Variants in MT1F observed in about 807,000 individuals in gnomAD.
The protein encoded by MT1F is metallothionein 1F.
Under a neutral mutation model 5.4 loss-of-function variants are expected in MT1F, and 6 were observed. The observed-to-expected ratio is 1.11, with a 90% CI of 0.61 to 2.19. The LOEUF (loss-of-function observed/expected upper bound fraction) is 2.19. MT1F is among the 30% of genes most tolerant of loss of function. MT1F has a pLI of 0.00. For missense variants in MT1F, 82 were observed against 77.0 expected, an observed-to-expected ratio of 1.07 and a Z score of -0.24; for synonymous variants, 28 against 28.3, an observed-to-expected ratio of 0.99 and a Z score of 0.04.
chr16:56,658,298 T>C (rs1960646133), intron 1 of MT1F: 2 of 622,188 alleles, frequency 3.2e-6, no homozygotes, highest in East Asian at 2.8e-5. Context: ...CTCAAGGCTG[T>C]CCTGCTCCAC....
In MT1F at chr16:56,659,184, C is replaced by T. The variant is rs752794156; in HGVS notation, c.*20C>T. Reference sequence around the variant, plus strand: ...GACTGATGCCAGGACAACCTTTCTCCCAGATGTAAACAGAGAGACATGTAC... The same window carrying T: ...GACTGATGCCAGGACAACCTTTCTCTCAGATGTAAACAGAGAGACATGTAC... On this transcript the variant is annotated 3_prime_UTR_variant, in exon 3 of 3. Coordinates refer to ENST00000334350, the MANE Select transcript of MT1F (RefSeq NM_005949.4). 4 of 1,613,276 alleles carry T rather than the reference C, an allele frequency of 2.5e-6. No homozygotes were observed. In the East Asian group the frequency reaches 6.7e-5, roughly 27 times the overall value.
Position 56,659,159 on chromosome 16 carries a change from G to T in MT1F, c.181G>T (p.Asp61Tyr), listed in dbSNP as rs1160232836. The change falls in exon 3 of 3, where the codon GAC (aspartate) becomes TAC (tyrosine). Residue 61 changes from aspartate (D) to tyrosine (Y), a missense_variant. Transcript: ENST00000334350. ...KGASEKCSCC[D>Y] ...GGCGTCAGAGAAGTGCAGCTGCTGC[G>T]ACTGATGCCAGGACAACCTTTCTCC... 4 of 1,614,068 alleles carry T rather than the reference G, an allele frequency of 2.5e-6. No homozygotes were observed. In the African/African-American group the frequency reaches 5.3e-5, roughly 22 times the overall value.
At chr16:56,658,555 G>T in intron 1 of MT1F, 120 bp from the exon 2 acceptor site, 1 of 1,010,644 alleles carries the variant, frequency 9.9e-7, no homozygotes, top group Non-Finnish European at 1.5e-6. Flanking sequence ...CTCTGAGTGG[G>T]AAAGGAGCTC....
At chr16:56,658,399 G>A (rs1188741402) in intron 1 of MT1F, 1 of 589,646 alleles carries the variant, frequency 1.7e-6, no homozygotes, top group Non-Finnish European at 3.0e-6. Context: ...AGGGGACATT[G>A]CCTCTTCGGG....
At chr16:56,658,644 G>C in intron 1 of MT1F, 31 bp from the exon 2 acceptor site, 1 of 1,613,010 alleles carries the variant, frequency 6.2e-7, no homozygotes, top group Non-Finnish European at 8.5e-7. Flanking sequence ...GTCACTCGCC[G>C]CTCACTGGCT....
intron 1 of MT1F, 71 bp from the exon 2 acceptor site, chr16:56,658,604 C>G (rs1272560516): frequency 1.3e-6 from 2 of 1,501,932 alleles, no homozygotes; most frequent in Non-Finnish European, 1.9e-6. Flanking sequence ...GCAATGGAGA[C>G]TCATTAACTC....
At position 56,658,746 on chromosome 16, in the gene MT1F, T is replaced by C. The variant is rs1177914367; in HGVS notation, c.94+6T>C. 3.1e-6 allele frequency: 5 copies of C among 1,613,872 alleles called. No homozygotes were observed. The highest frequency in any genetic ancestry group is 3.3e-5 in the Admixed American group (2 of 59,998). On this transcript the variant is annotated splice_donor_region_variant and intron_variant, in intron 2 of 2. Coordinates refer to ENST00000334350, the MANE Select transcript of MT1F (RefSeq NM_005949.4). Reference sequence around the variant, plus strand: ...ATGCACCTCCTGCAAGAAGAGTGAGTGTGAGGCCATCTCCATGGTCTGGGG... The same window carrying C: ...ATGCACCTCCTGCAAGAAGAGTGAGCGTGAGGCCATCTCCATGGTCTGGGG...
In MT1F at chr16:56,658,715, G is replaced by A; in HGVS notation, c.69G>A (p.Glu23=). 6.2e-7 allele frequency: 1 copy of A among 1,614,204 alleles called. No individual in the cohort carries two copies. The highest frequency in any genetic ancestry group is 8.5e-7 in the Non-Finnish European group (1 of 1,180,022). The change falls in exon 2 of 3, where the codon GAG becomes GAA. Residue 23 remains glutamate, a synonymous_variant. Transcript: ENST00000334350. ...CTCAGSCKCK[E]CKCTSCKKSC... Reference sequence around the variant, plus strand: ...GCGCTGGTTCCTGCAAGTGCAAAGAGTGCAAATGCACCTCCTGCAAGAAGA... The same window carrying A: ...GCGCTGGTTCCTGCAAGTGCAAAGAATGCAAATGCACCTCCTGCAAGAAGA...
At chr16:56,658,120 T>C (rs1420206531) in intron 1 of MT1F, 34 bp downstream of exon 1, 2 of 1,612,730 alleles carry the variant, frequency 1.2e-6, no homozygotes, top group African/African-American at 1.3e-5. Flanking sequence ...CTGGGGATGC[T>C]CGATTCCCAG....
intron 2 of MT1F, 57 bp from the exon 3 acceptor site, chr16:56,659,016 G>A: frequency 1.4e-6 from 2 of 1,480,164 alleles, no homozygotes; most frequent in South Asian, 1.1e-5. Flanking sequence ...CCTCTGTTGG[G>A]GAGGGAGGTC....
rs73551702 is a variant in MT1F at position 56,659,146 on chromosome 16, G to A, written c.168G>A (p.Lys56=). Residue 56 remains lysine, a synonymous_variant, in exon 3 of 3, where the codon AAG becomes AAA. Coordinates refer to ENST00000334350, the MANE Select transcript of MT1F (RefSeq NM_005949.4). ...QGCVCKGASE[K]CSCCD Reference sequence around the variant, plus strand: ...GTGTTTGCAAAGGGGCGTCAGAGAAGTGCAGCTGCTGCGACTGATGCCAGG... The same window carrying A: ...GTGTTTGCAAAGGGGCGTCAGAGAAATGCAGCTGCTGCGACTGATGCCAGG... 2 of 1,614,032 alleles carry A rather than the reference G, an allele frequency of 1.2e-6. No individual in the cohort carries two copies. Among genetic ancestry groups the A allele is most frequent in the Non-Finnish European group, 8.5e-7 (1 of 1,180,010 alleles).
chr16:56,658,166 G>A, intron 1 of MT1F, 80 bp downstream of exon 1: 2 of 1,531,308 alleles, frequency 1.3e-6, no homozygotes, highest in Non-Finnish European at 1.8e-6. Flanking sequence ...TGAGAAGGTC[G>A]TATTTTGAGA....
chr16:56,658,073 C>T lies in MT1F; in HGVS notation c.15C>T (p.Cys5=). The T allele has an allele frequency of 2.5e-6, 4 of 1,614,172 alleles. No homozygotes were observed. In the Middle Eastern group the frequency reaches 4.9e-4, roughly 200 times the overall value. The part of the protein sequence containing the change: MDPN[C]SCAAGVSCTC... The stretch of plus-strand genomic sequence containing the variant: ...CTCGGCTTGCAATGGACCCCAACTG[C>T]TCCTGCGCCGCTGGTAAGGAACGCC... Residue 5 remains cysteine, a synonymous_variant, in exon 1 of 3, where the codon TGC becomes TGT. Coordinates refer to ENST00000334350, the MANE Select transcript of MT1F (RefSeq NM_005949.4).
chr16:56,658,104 C>T lies in MT1F; in HGVS notation c.28+18C>T, dbSNP rs1239144882. 2 of 1,614,032 alleles carry T rather than the reference C, an allele frequency of 1.2e-6. No homozygotes were observed. Among genetic ancestry groups the T allele is most frequent in the Admixed American group, 1.7e-5 (1 of 60,022 alleles). On this transcript the variant is annotated intron_variant, in intron 1 of 2. Coordinates refer to ENST00000334350, the MANE Select transcript of MT1F (RefSeq NM_005949.4). ...CGCCGCTGGTAAGGAACGCCGGGTT[C>T]CGTGCCTGGGGATGCTCGATTCCCA...
chr16:56,658,778 C>T (rs775117792), intron 2 of MT1F, 38 bp downstream of exon 2: 2 of 1,612,796 alleles, frequency 1.2e-6, no homozygotes, highest in Non-Finnish European at 1.7e-6. Flanking sequence ...GGGGCTGTGG[C>T]TAAGGTTGGG....
intron 1 of MT1F, 131 bp from the exon 2 acceptor site, chr16:56,658,544 G>A: frequency 1.1e-6 from 1 of 910,858 alleles, no homozygotes; most frequent in Non-Finnish European, 1.7e-6. Context: ...CTCTTCCTCT[G>A]CTCTGAGTGG....
chr16:56,658,083 G>A lies in MT1F; in HGVS notation c.25G>A (p.Ala9Thr). 1.2e-6 allele frequency: 2 copies of A among 1,614,066 alleles called. No individual in the cohort carries two copies. Among genetic ancestry groups the A allele is most frequent in the African/African-American group, 1.3e-5 (1 of 75,048 alleles). The stretch of plus-strand genomic sequence containing the variant: ...AATGGACCCCAACTGCTCCTGCGCC[G>A]CTGGTAAGGAACGCCGGGTTCCGTG... The part of the protein sequence containing the change: MDPNCSCA[A>T]GVSCTCAGSC... Residue 9 changes from alanine (A) to threonine (T), a missense_variant, in exon 1 of 3, where the codon GCT (alanine) becomes ACT (threonine). By Grantham distance (58) the Ala-to-Thr change is moderately conservative (BLOSUM62 0). Transcript: ENST00000334350.
intron 2 of MT1F, 42 bp downstream of exon 2, chr16:56,658,782 G>A: frequency 6.2e-7 from 1 of 1,611,984 alleles, no homozygotes; most frequent in Non-Finnish European, 8.5e-7. Context: ...CTGTGGCTAA[G>A]GTTGGGATGG....
intron 1 of MT1F, chr16:56,658,316 G>A: frequency 1.7e-6 from 1 of 603,326 alleles, no homozygotes; most frequent in Non-Finnish European, 2.9e-6. Flanking sequence ...CACGTCATGC[G>A]GTTTGTCCCA....
Sources: allele counts gnomAD v4.1 joint callset, GRCh38; gene constraint gnomAD v4.1.1; transcripts MANE v1.5; gene names NCBI Gene and HGNC (gene_info 2026-07-23, HGNC 2026-07-21).